ABLIM2: variants seen among roughly 807,000 people sequenced by gnomAD.
ABLIM2 encodes actin binding LIM protein family member 2, also known as actin-binding LIM protein 2.
Under a neutral mutation model 97.7 loss-of-function variants are expected in ABLIM2, and 53 were observed. The observed-to-expected ratio is 0.54, with a 90% CI of 0.44 to 0.68. The LOEUF is 0.68. Ranked by LOEUF, ABLIM2 falls within the 30% of genes least tolerant of loss-of-function variation. The probability of loss-of-function intolerance (pLI) is 0.00; values close to 1 mark genes in which losing one functional copy is unlikely to be tolerated. For synonymous variants in ABLIM2, 361 were observed against 345.8 expected (o/e 1.04, Z -0.49); for missense variants, 835 against 867.2 (o/e 0.96, Z 0.47).
At chr4:7,987,957 C>T (rs1000825311) in intron 17 of ABLIM2, among the ~76,000 whole-genome samples, 1 of 152,162 alleles carries the variant, frequency 6.6e-6, no homozygotes, top group Admixed American at 6.5e-5. Context: ...TCCCCTACGC[C>T]GCTCAGTGCA....
chr4:8,128,246 C>G lies in ABLIM2; in HGVS notation c.11-21609G>C, dbSNP rs1561595722. ...GGACACCAGTCACTGCATTTGGGGT[C>G]CGCCCTCATCCACAATGACCTCATC... On this transcript the variant is annotated intron_variant, in intron 1 of 20. Coordinates refer to ENST00000447017, the MANE Select transcript of ABLIM2 (RefSeq NM_001130083.2). This position sits in a 1 kb window ranked among gnomAD's most constrained non-coding sequence, Gnocchi z 4.9. Among the ~76,000 whole-genome samples the G allele has an allele frequency of 6.6e-6, 1 of 152,164 alleles. No individual in the cohort carries two copies. Among genetic ancestry groups the G allele is most frequent in the Non-Finnish European group, 1.5e-5 (1 of 68,014 alleles).
intron 14 of ABLIM2, among the ~76,000 whole-genome samples, chr4:8,014,076 G>A (rs1360700032): frequency 6.6e-6 from 1 of 152,232 alleles, no homozygotes; most frequent in Non-Finnish European, 1.5e-5. Context: ...CCAGCAAGTG[G>A]TCTATGCCAT....
Position 8,046,528 on chromosome 4 carries a change from T to A in ABLIM2, c.823-1287A>T, listed in dbSNP as rs967432805. 6.6e-6 allele frequency among the ~76,000 whole-genome samples: 1 copy of A among 152,076 alleles called. No homozygotes were observed. Among genetic ancestry groups the A allele is most frequent in the Admixed American group, 6.5e-5 (1 of 15,270 alleles). ...CCACGGCCCCCACGTCCTCTGCTGCTTCGATGGTTTCCCACCCCGACCACA... is the reference window on the plus strand; with the variant it reads ...CCACGGCCCCCACGTCCTCTGCTGCATCGATGGTTTCCCACCCCGACCACA... On this transcript the variant is annotated intron_variant, in intron 8 of 20. Coordinates refer to ENST00000447017, the MANE Select transcript of ABLIM2 (RefSeq NM_001130083.2). This position sits in a 1 kb window ranked among gnomAD's most constrained non-coding sequence, Gnocchi z 4.4.
rs1579678144 is a variant in ABLIM2, at chr4:8,046,284, A to C, written c.823-1043T>G. Among the ~76,000 whole-genome samples, 3 of 149,130 alleles carry C rather than the reference A, an allele frequency of 2.0e-5. No individual in the cohort carries two copies. The highest frequency in any genetic ancestry group is 2.2e-4 in the South Asian group (1 of 4,632). On this transcript the variant is annotated intron_variant, in intron 8 of 20. Coordinates refer to ENST00000447017, the MANE Select transcript of ABLIM2 (RefSeq NM_001130083.2). This position sits in a 1 kb window ranked among gnomAD's most constrained non-coding sequence, Gnocchi z 4.4. The stretch of plus-strand genomic sequence containing the variant: ...GACACACTCCTTCTGTGGTCCCCAC[A>C]CCTCTGGCTGCACCTGCTGTCCCTC...
chr4:8,079,450 A>G (rs1268604343), intron 5 of ABLIM2, among the ~76,000 whole-genome samples: 2 of 152,142 alleles, frequency 1.3e-5, no homozygotes, highest in African/African-American at 4.8e-5. Flanking sequence ...CGTGCACCAC[A>G]CCGGGCGGTC....
intron 14 of ABLIM2, among the ~76,000 whole-genome samples, chr4:8,010,273 C>T (rs1003915901): frequency 2.6e-5 from 4 of 152,338 alleles, no homozygotes; most frequent in East Asian, 1.9e-4. Flanking sequence ...TGACATTTCT[C>T]GGCATCCAAC....
At chr4:8,115,111 G>A (rs754501239) in intron 1 of ABLIM2, among the ~76,000 whole-genome samples, 1 of 152,188 alleles carries the variant, frequency 6.6e-6, no homozygotes, top group Non-Finnish European at 1.5e-5. Flanking sequence ...GAGGATGGAC[G>A]CAGGGCTTGT....
At position 8,054,239 on chromosome 4, in the gene ABLIM2, G is replaced by C. The variant is rs753653078; in HGVS notation, c.771C>G (p.Ser257=). 2 of 1,614,052 alleles carry C rather than the reference G, an allele frequency of 1.2e-6. No individual in the cohort carries two copies. The highest frequency in any genetic ancestry group is 1.1e-5 in the South Asian group (1 of 91,086). The part of the protein sequence containing the change: ...EGEEMYLQGS[S]IWHPACRQAA... ...CTTGTCGACACGCCGGATGCCAGAT[G>C]GAGGAACCTGTTGACAAATTCCCAA... Residue 257 remains serine, a synonymous_variant, in exon 8 of 21, where the codon TCC becomes TCG. Coordinates refer to ENST00000447017, the MANE Select transcript of ABLIM2 (RefSeq NM_001130083.2). This position sits in a 1 kb window ranked among gnomAD's most constrained non-coding sequence, Gnocchi z 4.9.
chr4:8,105,200 G>T (rs899600384), intron 2 of ABLIM2, among the ~76,000 whole-genome samples: 1 of 152,174 alleles, frequency 6.6e-6, no homozygotes, highest in Non-Finnish European at 1.5e-5. Flanking sequence ...TACTCCCGAG[G>T]TTCTAGCCAG....
In ABLIM2 at chr4:8,055,042, G is replaced by GT. The variant is rs1350551379; in HGVS notation, c.764-797dup. Among the ~76,000 whole-genome samples the GT allele has an allele frequency of 2.0e-5, 3 of 148,560 alleles. No homozygotes were observed. The East Asian group carries it at 6.6e-4, about 33-fold the overall frequency. On this transcript the variant is annotated intron_variant, in intron 7 of 20. Coordinates refer to ENST00000447017, the MANE Select transcript of ABLIM2 (RefSeq NM_001130083.2). ...CAACCTCAAACTACCCCAAGTCTTT[G>GT]TTTTTGTTTTTTTTTTTTCCACCTA...
intron 20 of ABLIM2, among the ~76,000 whole-genome samples, chr4:7,980,941 A>ATCTTTTTTTTTTTTTTTTTTTT (rs1483414043): frequency 0.012 from 963 of 83,018 alleles, 17 homozygotes; most frequent in African/African-American, 0.013. Context: ...ACAACCCCTT[A>ATCTTTTTTTTTTTTTTTTTTTT]TTTTTTTTTT....
intron 6 of ABLIM2, among the ~76,000 whole-genome samples, chr4:8,074,529 T>C (rs1374303288): frequency 2.0e-5 from 3 of 152,230 alleles, no homozygotes; most frequent in Non-Finnish European, 4.4e-5. Context: ...AGAAATACTA[T>C]ATCTTGTTGA....
At chr4:8,157,720 C>G (rs989144235) in intron 1 of ABLIM2, among the ~76,000 whole-genome samples, 1 of 152,288 alleles carries the variant, frequency 6.6e-6, no homozygotes, top group Non-Finnish European at 1.5e-5. Context: ...ACTGCAGTCC[C>G]TGGCGCGACA....
chr4:8,054,331 G>A lies in ABLIM2; in HGVS notation c.764-85C>T. ...GTGTGGAAACGCAGAGGAGGGAGCTGGTCCATGCACAGACGTGCACTCGGA... is the reference window on the plus strand; with the variant it reads ...GTGTGGAAACGCAGAGGAGGGAGCTAGTCCATGCACAGACGTGCACTCGGA... On this transcript the variant is annotated intron_variant, in intron 7 of 20. Transcript: ENST00000447017. The surrounding 1 kb of genome is among the most constrained non-coding windows in gnomAD (Gnocchi z 4.9). 6.2e-6 allele frequency: 9 copies of A among 1,442,246 alleles called. No homozygotes were observed. The highest frequency in any genetic ancestry group is 5.9e-5 in the South Asian group (5 of 85,074). The allele number at this position is 1,442,246 out of a possible 1,614,324, so 89.3% of individuals were successfully genotyped here.
chr4:7,975,768 G>A (rs931682426), intron 20 of ABLIM2, among the ~76,000 whole-genome samples: 2 of 152,096 alleles, frequency 1.3e-5, no homozygotes, highest in Non-Finnish European at 2.9e-5. Context: ...TGTGTGCGTC[G>A]CTATAGTAAC....
Position 8,083,672 on chromosome 4 carries a change from G to A in ABLIM2, c.455-2870C>T, listed in dbSNP as rs192437985. Among the ~76,000 whole-genome samples, 9 of 152,292 alleles carry A rather than the reference G, an allele frequency of 5.9e-5. No homozygotes were observed. The highest frequency in any genetic ancestry group is 3.9e-4 in the East Asian group (2 of 5,176). On this transcript the variant is annotated intron_variant, in intron 4 of 20. Transcript: ENST00000447017. This position sits in a 1 kb window ranked among gnomAD's most constrained non-coding sequence, Gnocchi z 4.6. ...CATCCGGAGCTCCACATTGCTTTGC[G>A]GGCTCTGCGCATGGCAGCTCAGAGT...
In ABLIM2 at chr4:8,021,613, G is replaced by A. The variant is rs1462234492; in HGVS notation, c.1268-1310C>T. 6.6e-6 allele frequency among the ~76,000 whole-genome samples: 1 copy of A among 152,248 alleles called. No individual in the cohort carries two copies. Among genetic ancestry groups the A allele is most frequent in the Non-Finnish European group, 1.5e-5 (1 of 68,046 alleles). On this transcript the variant is annotated intron_variant, in intron 12 of 20. Coordinates refer to ENST00000447017, the MANE Select transcript of ABLIM2 (RefSeq NM_001130083.2). This position sits in a 1 kb window ranked among gnomAD's most constrained non-coding sequence, Gnocchi z 5.5. ...GGTGGGTGAGTGATGTGCTGGGCCT[G>A]AAGGTGGACTGGCCAGGGACCCCAC... is the stretch of plus-strand genomic sequence containing the variant.
intron 6 of ABLIM2, among the ~76,000 whole-genome samples, chr4:8,077,034 G>C (rs1001634390): frequency 1.3e-5 from 2 of 150,622 alleles, no homozygotes; most frequent in Non-Finnish European, 3.0e-5. Context: ...AATCCGAAGG[G>C]TGGGCTGCAG....
At chr4:7,988,121 C>G (rs538213245) in intron 17 of ABLIM2, among the ~76,000 whole-genome samples, 1 of 152,278 alleles carries the variant, frequency 6.6e-6, no homozygotes, top group Non-Finnish European at 1.5e-5. Context: ...TCCCTGGGTT[C>G]AAGCAATTCT....
Sources: allele counts gnomAD v4.1 joint callset (sites outside exome capture counted in the v4.1 genomes callset), GRCh38; gene constraint gnomAD v4.1.1; non-coding constraint Gnocchi (gnomAD v3.1); transcripts MANE v1.5; gene names NCBI Gene and HGNC (gene_info 2026-07-23, HGNC 2026-07-21).